The following MTMR3 variants were observed in gnomAD, a reference collection of about 807,000 sequenced individuals.
The protein encoded by MTMR3 is phosphatidylinositol-3,5-bisphosphate 3-phosphatase MTMR3.
MTMR3 carries 32 observed loss-of-function variants against 132.4 expected under a neutral mutation model. The ratio of observed to expected loss-of-function variants is 0.24; its 90% CI spans 0.18 to 0.32. The LOEUF (loss-of-function observed/expected upper bound fraction) is 0.32, where lower values mean the gene tolerates loss of function less well. MTMR3 is among the 10% of genes least tolerant of loss of function. The pLI is 1.00. For missense variants in MTMR3, 1,216 were observed against 1,489.6 expected, an observed-to-expected ratio of 0.82 and a Z score of 3.02; for synonymous variants, 556 against 550.3, an observed-to-expected ratio of 1.01 and a Z score of -0.14.
chr22:29,947,351 T>A (rs1482654391), intron 1 of MTMR3, among the ~76,000 whole-genome samples: 2 of 152,242 alleles, frequency 1.3e-5, no homozygotes, highest in East Asian at 3.9e-4. Flanking sequence ...TTGTTTTTTT[T>A]AAATGCTGAA....
chr22:30,019,397 A>G, intron 16 of MTMR3, 83 bp from the exon 17 acceptor site: 1 of 1,334,876 alleles, frequency 7.5e-7, no homozygotes, highest in Non-Finnish European at 1.0e-6. Context: ...GTTATGAAAC[A>G]ACTGCTTGTT....
At chr22:30,025,442 G>A in intron 19 of MTMR3, 188 bp from the exon 20 acceptor site, 1 of 607,714 alleles carries the variant, frequency 1.6e-6, no homozygotes, top group Non-Finnish European at 2.9e-6. Flanking sequence ...AAAATGACAT[G>A]TGACTCTGCT....
In MTMR3 at chr22:30,019,794, T is replaced by C. The variant is rs567118630; in HGVS notation, c.2135T>C (p.Ile712Thr). 2.5e-6 allele frequency: 4 copies of C among 1,614,006 alleles called. No individual in the cohort carries two copies. Among genetic ancestry groups the C allele is most frequent in the African/African-American group, 2.7e-5 (2 of 74,998 alleles). ...GVEEPAHRAG[I>T]EIQEGKEDPL... is the part of the protein sequence containing the mutation. ...GAGGAACCTGCCCACAGGGCAGGCA[T>C]TGAGATACAGGAGGGTAAAGAGGAC... The change falls in exon 17 of 20, where the codon ATT becomes ACT. Residue 712 changes from isoleucine (I) to threonine (T), a missense_variant. By Grantham distance (89) the Ile-to-Thr change is moderately conservative. Coordinates refer to ENST00000401950, the MANE Select transcript of MTMR3 (RefSeq NM_021090.4).
At chr22:30,008,548 C>T (rs190047051) in intron 11 of MTMR3, 2 of 161,958 alleles carry the variant, frequency 1.2e-5, no homozygotes, top group Non-Finnish European at 2.7e-5. Context: ...AGGGACCCCC[C>T]TCAGTGCCTA....
At position 30,028,704 on chromosome 22, in the gene MTMR3, A is replaced by G. The variant is rs777473644; in HGVS notation, c.*2903A>G. ...CTTCACTCTTTGGGGCAGTCTCTCT[A>G]GGGTCACTTTCTGAATGTACCTTCT... On this transcript the variant is annotated 3_prime_UTR_variant, in exon 20 of 20. Transcript: ENST00000401950. 6.6e-6 allele frequency: 1 copy of G among 152,334 alleles called. No homozygotes were observed. Among genetic ancestry groups the G allele is most frequent in the African/African-American group, 2.4e-5 (1 of 41,452 alleles). 9.4% of individuals were successfully genotyped at this position (152,334 alleles called of 1,614,324 possible). A position where few individuals can be genotyped will look rare whatever the true frequency, so the allele number is the denominator to read the frequency against.
chr22:29,953,925 G>A (rs2066131530), intron 1 of MTMR3, among the ~76,000 whole-genome samples: 1 of 152,022 alleles, frequency 6.6e-6, no homozygotes, highest in Non-Finnish European at 1.5e-5. Context: ...GAATGTTCAA[G>A]GTTACCCAAA....
intron 16 of MTMR3, chr22:30,018,849 C>T (rs1175439403): frequency 6.6e-6 from 1 of 152,096 alleles, no homozygotes; most frequent in Non-Finnish European, 1.5e-5. Flanking sequence ...TCAAGAAACA[C>T]CAGTGCTACT....
rs139067701 is a variant in MTMR3 at position 30,026,728 on chromosome 22, C to T, written c.*927C>T. ...TAAACAATCTCTTCCTCAGCCAGCA[C>T]AGGGAAATCCAGACTCAGGGTTCCA... On this transcript the variant is annotated 3_prime_UTR_variant, in exon 20 of 20. Coordinates refer to ENST00000401950, the MANE Select transcript of MTMR3 (RefSeq NM_021090.4). 1.3e-5 allele frequency: 2 copies of T among 153,042 alleles called. No individual in the cohort carries two copies. Among genetic ancestry groups the T allele is most frequent in the African/African-American group, 4.8e-5 (2 of 41,580 alleles). 9.5% of individuals were successfully genotyped at this position (153,042 alleles called of 1,614,324 possible).
In MTMR3 at chr22:30,019,907, C is replaced by G; in HGVS notation, c.2248C>G (p.Leu750Val). The G allele has an allele frequency of 5.0e-6, 8 of 1,614,188 alleles. No individual in the cohort carries two copies. The highest frequency in any genetic ancestry group is 5.9e-6 in the Non-Finnish European group (7 of 1,180,026). ...AGACCCAGAACTGGGTGATGCTGCTCTGAGGAGCCATCTGGATATGAGCTG... is the reference window on the plus strand; with the variant it reads ...AGACCCAGAACTGGGTGATGCTGCTGTGAGGAGCCATCTGGATATGAGCTG... The part of the protein sequence containing the change: ...HQDPELGDAA[L>V]RSHLDMSWPL... The change falls in exon 17 of 20, where the codon CTG becomes GTG. Residue 750 changes from leucine to valine, a missense_variant. Physicochemically the swap from Leu to Val is conservative, Grantham distance 32. This residue lies in a region of MTMR3 where 852 missense variants were observed against 852.0 expected (regional missense o/e 1.00). Coordinates refer to ENST00000401950, the MANE Select transcript of MTMR3 (RefSeq NM_021090.4).
At chr22:29,947,659 T>A (rs1047797639) in intron 1 of MTMR3, among the ~76,000 whole-genome samples, 1 of 152,194 alleles carries the variant, frequency 6.6e-6, no homozygotes, top group South Asian at 2.1e-4. Context: ...AAATTCCTTT[T>A]ACTACTTGTT....
chr22:29,939,046 T>A (rs2065805591), intron 1 of MTMR3, among the ~76,000 whole-genome samples: 1 of 152,034 alleles, frequency 6.6e-6, no homozygotes. Flanking sequence ...GGTCTCGAAC[T>A]CCTGACCTCA....
intron 1 of MTMR3, among the ~76,000 whole-genome samples, chr22:29,909,700 T>G (rs933656242): frequency 2.6e-5 from 4 of 152,238 alleles, no homozygotes; most frequent in Non-Finnish European, 5.9e-5. Context: ...TATAATTTTT[T>G]CATAAATAGT....
chr22:29,900,402 C>T (rs544601612), intron 1 of MTMR3, among the ~76,000 whole-genome samples: 3 of 152,224 alleles, frequency 2.0e-5, no homozygotes, highest in East Asian at 3.9e-4. Context: ...ATATAGAGTA[C>T]TGTTGCTAAA....
intron 3 of MTMR3, chr22:29,978,118 TACACTACCAGTGCACC>T (rs1231041557): frequency 3.8e-5 from 8 of 211,358 alleles, no homozygotes; most frequent in Non-Finnish European, 9.9e-6. Flanking sequence ...ACCTGTGCAC[TACACTACCAGTGCACC>T]ACTGCCTGGG....
chr22:29,948,081 G>A (rs2065985472), intron 1 of MTMR3, among the ~76,000 whole-genome samples: 1 of 152,204 alleles, frequency 6.6e-6, no homozygotes, highest in Non-Finnish European at 1.5e-5. Flanking sequence ...AACTAGGCCA[G>A]TAGAAGAGGG....
At chr22:29,942,309 G>A (rs2065871845) in intron 1 of MTMR3, among the ~76,000 whole-genome samples, 1 of 152,174 alleles carries the variant, frequency 6.6e-6, no homozygotes, top group Non-Finnish European at 1.5e-5. Flanking sequence ...TACGAATAGG[G>A]TGTGGGTCAC....
At chr22:30,018,325 G>A (rs1006236171) in intron 16 of MTMR3, 11 of 405,632 alleles carry the variant, frequency 2.7e-5, no homozygotes, top group African/African-American at 2.3e-4. Flanking sequence ...CAGTGATAGA[G>A]CAAATCCTCC....
chr22:29,916,600 T>C (rs2065313318), intron 1 of MTMR3, among the ~76,000 whole-genome samples: 1 of 152,228 alleles, frequency 6.6e-6, no homozygotes, highest in Non-Finnish European at 1.5e-5. Context: ...AGCTGTTTCA[T>C]GTATCTTGTC....
intron 1 of MTMR3, among the ~76,000 whole-genome samples, chr22:29,900,163 T>C (rs185532365): frequency 5.9e-4 from 90 of 152,294 alleles, no homozygotes; most frequent in African/African-American, 1.9e-3. Context: ...CCTGTGTCTT[T>C]GTTAGGAGGG....
Sources: allele counts gnomAD v4.1 joint callset (sites outside exome capture counted in the v4.1 genomes callset), GRCh38; gene constraint gnomAD v4.1.1; regional missense constraint gnomAD v4.1.1; transcripts MANE v1.5; gene names NCBI Gene and HGNC (gene_info 2026-07-23, HGNC 2026-07-21).